Variants in XG observed in about 807,000 individuals in gnomAD.
The protein encoded by XG is Xg glycoprotein (Xg blood group), also known as glycoprotein Xg.
XG carries 24 observed loss-of-function variants against 25.7 expected under a neutral mutation model. That is an observed-to-expected ratio of 0.93 (90% CI 0.68 to 1.31). The LOEUF is 1.31. Among genes scored for constraint, XG ranks in the 40% most tolerant of loss-of-function variants. The pLI, the probability that XG is intolerant of heterozygous loss-of-function variation, is 0.00. For synonymous variants in XG, 77 were observed against 69.2 expected (o/e 1.11, Z -0.56); for missense variants, 181 against 187.6 (o/e 0.96, Z 0.21).
intron 1 of XG, among the ~76,000 whole-genome samples, chrX:2,769,720 GTTCTC>G (rs1271246134): frequency 6.6e-6 from 1 of 152,144 alleles, no homozygotes. Context: ...AGATGTGAAT[GTTCTC>G]TTCTCTCTGC....
chrX:2,791,462 A>G (rs1211709005), intron 5 of XG, among the ~76,000 whole-genome samples: 3 of 110,062 alleles, frequency 2.7e-5, no homozygotes, highest in African/African-American at 9.9e-5. Flanking sequence ...GCAACTGAAG[A>G]ATTGTGTTTC....
chrX:2,776,016 G>T (rs1334625241), intron 3 of XG, among the ~76,000 whole-genome samples: 1 of 151,748 alleles, frequency 6.6e-6, no homozygotes, highest in African/African-American at 2.4e-5. Context: ...GGGGCCGGGC[G>T]CAGTGGCTCA....
intron 6 of XG, among the ~76,000 whole-genome samples, chrX:2,796,746 A>G (rs749822764): frequency 1.8e-5 from 2 of 111,706 alleles, no homozygotes; most frequent in Admixed American, 9.6e-5. Flanking sequence ...TAGAAGACAT[A>G]AAGGACTTGT....
At chrX:2,784,603 A>C (rs1457452381) in intron 4 of XG, among the ~76,000 whole-genome samples, 3 of 110,171 alleles carry the variant, frequency 2.7e-5, no homozygotes, top group South Asian at 3.9e-4. Flanking sequence ...GAAAAAAAAA[A>C]CTTAAAATGC....
intron 1 of XG, among the ~76,000 whole-genome samples, chrX:2,759,269 G>A (rs775708942): frequency 1.3e-5 from 2 of 152,308 alleles, no homozygotes; most frequent in South Asian, 4.1e-4. Context: ...AGAGAGTTAC[G>A]CAGCCCCAAG....
At chrX:2,763,396 C>T (rs1369581771) in intron 1 of XG, among the ~76,000 whole-genome samples, 2 of 151,200 alleles carry the variant, frequency 1.3e-5, no homozygotes, top group Non-Finnish European at 2.9e-5. Context: ...TCTGCTGGCT[C>T]ATAGACGTTG....
intron 6 of XG, among the ~76,000 whole-genome samples, chrX:2,795,270 A>T: frequency 9.3e-6 from 1 of 107,176 alleles, no homozygotes; most frequent in East Asian, 2.8e-4. Flanking sequence ...ATATCTTTTT[A>T]AAAATATATC....
In XG at chrX:2,797,454, C is replaced by T. The variant is rs1315928420; in HGVS notation, c.373+94C>T. On this transcript the variant is annotated intron_variant, in intron 7 of 10. Coordinates refer to ENST00000644266, the MANE Select transcript of XG (RefSeq NM_001141919.2). ...TTGCACTCTGCCCTGGGCCTTCTAC[C>T]TGGAGTCTTTGGTGAGTAGGGTGCT... is the stretch of plus-strand genomic sequence containing the variant. 7 of 1,000,502 alleles carry T rather than the reference C, an allele frequency of 7.0e-6. No individual in the cohort carries two copies. The Middle Eastern group carries it at 1.1e-3, about 155-fold the overall frequency. The allele number at this position is 1,000,502 out of a possible 1,213,427, so 82.5% of individuals were successfully genotyped here. A position where few individuals can be genotyped will look rare whatever the true frequency, so the allele number is the denominator to read the frequency against.
chrX:2,799,185 C>G (rs2086912936), intron 7 of XG, among the ~76,000 whole-genome samples: 1 of 110,798 alleles, frequency 9.0e-6, no homozygotes, highest in South Asian at 3.9e-4. Flanking sequence ...ATTATGTCAT[C>G]ACCCAGGCAA....
At chrX:2,767,121 G>A (rs146136086) in intron 1 of XG, among the ~76,000 whole-genome samples, 184 of 152,176 alleles carry the variant, frequency 1.2e-3, no homozygotes, top group African/African-American at 4.3e-3. Context: ...CCTGAACCAC[G>A]TGCAGGTCTG....
chrX:2,780,185 AAAAAGAAAAG>A (rs761742964), intron 3 of XG, among the ~76,000 whole-genome samples: 2 of 152,032 alleles, frequency 1.3e-5, no homozygotes, highest in South Asian at 4.1e-4. Context: ...GGATGGTGAA[AAAAAGAAAAG>A]AAAAGAAAAG....
rs1423200669 is a variant in XG at position 2,794,608 on chromosome X, G to A, written c.322+5G>A. On this transcript the variant is annotated splice_donor_5th_base_variant and intron_variant, in intron 6 of 10. Coordinates refer to ENST00000644266, the MANE Select transcript of XG (RefSeq NM_001141919.2). ...CCAGGCCACGGCCGCCTGCAGGTAG[G>A]TGCCGAGCCTCCCCAGATGCGACAC... 1.7e-6 allele frequency: 2 copies of A among 1,210,439 alleles called. No individual in the cohort carries two copies. The highest frequency in any genetic ancestry group is 2.2e-6 in the Non-Finnish European group (2 of 894,886).
chrX:2,790,425 G>A (rs1384092998), intron 5 of XG, among the ~76,000 whole-genome samples: 29 of 103,709 alleles, frequency 2.8e-4, no homozygotes, highest in Non-Finnish European at 2.0e-5. Context: ...GCTTGAACCC[G>A]CAAAGCGGAG....
At position 2,761,846 on chromosome X, in the gene XG, T is replaced by G. The variant is rs139833086; in HGVS notation, c.62-8704T>G. On this transcript the variant is annotated intron_variant, in intron 1 of 10. Coordinates refer to ENST00000644266, the MANE Select transcript of XG (RefSeq NM_001141919.2). The stretch of plus-strand genomic sequence containing the variant: ...CCTGCCCACACCTTGATCTCAGACT[T>G]CCAGCTTCCAGGACTGTGGGAGAAT... 5.2e-3 allele frequency among the ~76,000 whole-genome samples: 799 copies of G among 152,284 alleles called. 3 individuals are homozygous for G. Among genetic ancestry groups the G allele is most frequent in the African/African-American group, 0.018 (730 of 41,552 alleles).
chrX:2,805,077 G>T (rs1301165644), intron 7 of XG, among the ~76,000 whole-genome samples: 1 of 112,294 alleles, frequency 8.9e-6, no homozygotes, highest in Non-Finnish European at 1.9e-5. Flanking sequence ...CGGCTGGGAT[G>T]CAAGCCGCCG....
chrX:2,759,822 GCTC>G, intron 1 of XG, among the ~76,000 whole-genome samples: 1 of 152,344 alleles, frequency 6.6e-6, no homozygotes, highest in East Asian at 1.9e-4. Flanking sequence ...ACACGGCAAA[GCTC>G]CTGGGGATTC....
At chrX:2,792,152 T>G (rs1409182681) in intron 5 of XG, among the ~76,000 whole-genome samples, 3 of 111,127 alleles carry the variant, frequency 2.7e-5, no homozygotes, top group Non-Finnish European at 3.8e-5. Context: ...CATGGTGGCA[T>G]GTACCTGTAA....
At chrX:2,786,637 T>C (rs1175179946) in intron 4 of XG, among the ~76,000 whole-genome samples, 1 of 111,246 alleles carries the variant, frequency 9.0e-6, no homozygotes, top group Non-Finnish European at 1.9e-5. Flanking sequence ...GGATGAATTA[T>C]GTCTCCCCGC....
At chrX:2,783,595 A>G (rs1388098298) in intron 4 of XG, among the ~76,000 whole-genome samples, 1 of 112,434 alleles carries the variant, frequency 8.9e-6, no homozygotes, top group Non-Finnish European at 1.9e-5. Context: ...AGACACGCAC[A>G]TCCAGATGGA....
Sources: gnomAD v4.1 joint callset for allele counts (sites outside exome capture counted in the v4.1 genomes callset) on GRCh38, gnomAD v4.1.1 for gene constraint, MANE v1.5 for transcripts, NCBI Gene and HGNC (gene_info 2026-07-23, HGNC 2026-07-21) for gene names.